The following MSC variants were observed in gnomAD, a reference collection of about 807,000 sequenced individuals.
The protein encoded by MSC is musculin, also known as activated B-cell factor 1, homolog of mouse musculin.
Under a neutral mutation model 14.4 loss-of-function variants are expected in MSC, and 16 were observed. That is an observed-to-expected ratio of 1.11 (90% CI 0.75 to 1.69). The LOEUF is 1.69. Among genes scored for constraint, MSC ranks in the 40% most tolerant of loss-of-function variants. MSC has a pLI of 0.00. For missense variants in MSC, 320 were observed against 288.1 expected (o/e 1.11, Z -0.80); for synonymous variants, 165 against 128.5 (o/e 1.28, Z -1.92).
rs1364134821 is a variant in MSC at position 71,843,101 on chromosome 8, C to T, written c.535-354G>A. On this transcript the variant is annotated intron_variant, in intron 1 of 1. Transcript: ENST00000325509. ...ACACACAGTCATCCACTCCAAGCTC[C>T]AAGTAGGAACTGGGCTTGGACAGGA... 1.2e-5 allele frequency: 4 copies of T among 343,366 alleles called. No homozygotes were observed. The Admixed American group carries it at 1.6e-4, about 14-fold the overall frequency. The allele number at this position is 343,366 out of a possible 1,614,324, so 21.3% of individuals were successfully genotyped here.
Position 71,843,680 on chromosome 8 carries a change from G to T in MSC, c.499C>A (p.Arg167Ser). 1 of 1,614,224 alleles carries T rather than the reference G, an allele frequency of 6.2e-7. No individual in the cohort carries two copies. Among genetic ancestry groups the T allele is most frequent in the East Asian group, 2.2e-5 (1 of 44,878 alleles). The change falls in exon 1 of 2, where the codon CGC becomes AGC. Residue 167 changes from arginine to serine, a missense_variant. By Grantham distance (110) the Arg-to-Ser change is moderately radical. Coordinates refer to ENST00000325509, the MANE Select transcript of MSC (RefSeq NM_005098.4). The part of the protein sequence containing the change: ...AHLRQLLQED[R>S]YENGYVHPVN... The stretch of plus-strand genomic sequence containing the variant: ...GGGTGCACGTAGCCGTTCTCATAGC[G>T]GTCCTCCTGCAACAGCTGCCGCAGG...
chr8:71,844,139 G>T lies in MSC; in HGVS notation c.40C>A (p.Leu14Ile). 1 of 1,531,258 alleles carries T rather than the reference G, an allele frequency of 6.5e-7. No individual in the cohort carries two copies. Among genetic ancestry groups the T allele is most frequent in the Non-Finnish European group, 8.8e-7 (1 of 1,140,280 alleles). 94.9% of individuals were successfully genotyped at this position (1,531,258 alleles called of 1,614,324 possible). ...GGGTACTCCCGCTGCAGCCCCCGAA[G>T]CTCCATCTCCTCCGGATCACTCACC... ...GSVSDPEEMELRGLQREYPVP... is the reference protein window; with the variant it reads ...GSVSDPEEMEIRGLQREYPVP... Residue 14 changes from leucine (L) to isoleucine (I), a missense_variant, in exon 1 of 2, where the codon CTT becomes ATT. Physicochemically the swap from Leu to Ile is conservative, Grantham distance 5. Transcript: ENST00000325509.
At position 71,841,854 on chromosome 8, in the gene MSC, C is replaced by G. The variant is rs1585712317; in HGVS notation, c.*807G>C. 6.5e-6 allele frequency: 1 copy of G among 152,876 alleles called. No individual in the cohort carries two copies. Among genetic ancestry groups the G allele is most frequent in the East Asian group, 1.9e-4 (1 of 5,196 alleles). 9.5% of individuals were successfully genotyped at this position (152,876 alleles called of 1,614,324 possible). ...CAGGAGCGGGGCGGAGAGGGAGGCCCGAAGAAGACCCCACACAGGTTGGCG... is the reference window on the plus strand; with the variant it reads ...CAGGAGCGGGGCGGAGAGGGAGGCCGGAAGAAGACCCCACACAGGTTGGCG... On this transcript the variant is annotated 3_prime_UTR_variant, in exon 2 of 2. Coordinates refer to ENST00000325509, the MANE Select transcript of MSC (RefSeq NM_005098.4).
intron 1 of MSC, 62 bp from the exon 2 acceptor site, chr8:71,842,809 C>T: frequency 7.0e-7 from 1 of 1,433,274 alleles, no homozygotes; most frequent in Non-Finnish European, 9.8e-7. Flanking sequence ...CGAAACAGCT[C>T]TCCTACGCGA....
In MSC at chr8:71,843,953, G is replaced by T; in HGVS notation, c.226C>A (p.Arg76Ser). ...SAEGCKRKRPRVAGGGGAGGS... is the reference protein window; with the variant it reads ...SAEGCKRKRPSVAGGGGAGGS... ...CCTGCGCCGCCGCCCCCAGCCACAC[G>T]GGGCCGCTTCCTCTTGCAGCCTTCC... Residue 76 changes from arginine (R) to serine (S), a missense_variant, in exon 1 of 2, where the codon CGT becomes AGT. By Grantham distance (110) the Arg-to-Ser change is moderately radical (BLOSUM62 -1). Coordinates refer to ENST00000325509, the MANE Select transcript of MSC (RefSeq NM_005098.4). The T allele has an allele frequency of 6.4e-7, 1 of 1,562,058 alleles. No homozygotes were observed. Among genetic ancestry groups the T allele is most frequent in the East Asian group, 2.4e-5 (1 of 41,658 alleles).
In MSC at chr8:71,842,041, G is replaced by A. The variant is rs1428693784; in HGVS notation, c.*620C>T. 1 of 155,002 alleles carries A rather than the reference G, an allele frequency of 6.5e-6. No individual in the cohort carries two copies. The highest frequency in any genetic ancestry group is 1.9e-4 in the East Asian group (1 of 5,310). 9.6% of individuals were successfully genotyped at this position (155,002 alleles called of 1,614,324 possible). On this transcript the variant is annotated 3_prime_UTR_variant, in exon 2 of 2. Coordinates refer to ENST00000325509, the MANE Select transcript of MSC (RefSeq NM_005098.4). ...TCTCCGGGTAAAACCCGCCTGCGGT[G>A]ATCTGGGAAGTGTGTCTCCACCTAG... is the stretch of plus-strand genomic sequence containing the variant.
chr8:71,842,997 G>T (rs1807416649), intron 1 of MSC: 1 of 429,914 alleles, frequency 2.3e-6, no homozygotes, highest in African/African-American at 2.1e-5. Context: ...AAACTCATCT[G>T]ACTTTGAGGT....
intron 1 of MSC, 42 bp downstream of exon 1, chr8:71,843,603 C>G: frequency 1.2e-6 from 2 of 1,613,892 alleles, no homozygotes; most frequent in Non-Finnish European, 1.7e-6. Flanking sequence ...CCCTGGGTAT[C>G]TCCTGGCTGC....
At position 71,844,189 on chromosome 8, in the gene MSC, C is replaced by A; in HGVS notation, c.-11G>T. 6.3e-7 allele frequency: 1 copy of A among 1,588,374 alleles called. No homozygotes were observed. The highest frequency in any genetic ancestry group is 8.6e-7 in the Non-Finnish European group (1 of 1,166,112). On this transcript the variant is annotated 5_prime_UTR_variant, in exon 1 of 2. Transcript: ENST00000325509. ...CGAGCCCGTGGACATCCCGTTGTCCCCCTTGCCCACACGCGTCCTCTTTCC... is the reference window on the plus strand; with the variant it reads ...CGAGCCCGTGGACATCCCGTTGTCCACCTTGCCCACACGCGTCCTCTTTCC...
chr8:71,842,590 C>T lies in MSC; in HGVS notation c.*71G>A. The stretch of plus-strand genomic sequence containing the variant: ...GAAACTTCTTCCCATCTCACGAGCT[C>T]TCCCTTCTCTCCGTGGCCCCCAAAC... On this transcript the variant is annotated 3_prime_UTR_variant, in exon 2 of 2. Transcript: ENST00000325509. 4 of 1,415,954 alleles carry T rather than the reference C, an allele frequency of 2.8e-6. No individual in the cohort carries two copies. In the South Asian group the frequency reaches 4.6e-5, roughly 16 times the overall value. The allele number at this position is 1,415,954 out of a possible 1,614,324, so 87.7% of individuals were successfully genotyped here. A position where few individuals can be genotyped will look rare whatever the true frequency, so the allele number is the denominator to read the frequency against.
At position 71,843,841 on chromosome 8, in the gene MSC, T is replaced by G. The variant is rs762209386; in HGVS notation, c.338A>C (p.Asn113Thr). Residue 113 changes from asparagine to threonine, a missense_variant, in exon 1 of 2, where the codon AAC (asparagine) becomes ACC (threonine). Asn to Thr is a moderately conservative substitution (Grantham distance 65). Coordinates refer to ENST00000325509, the MANE Select transcript of MSC (RefSeq NM_005098.4). Reference protein sequence around the residue: ...ECKQSQRNAANARERARMRVL... With the variant: ...ECKQSQRNAATARERARMRVL... ...GCGCATCCGGGCACGCTCACGGGCG[T>G]TGGCCGCGTTCCGCTGCGACTGCTT... 2 of 1,613,142 alleles carry G rather than the reference T, an allele frequency of 1.2e-6. No homozygotes were observed. Among genetic ancestry groups the G allele is most frequent in the Non-Finnish European group, 1.7e-6 (2 of 1,179,786 alleles).
Position 71,844,066 on chromosome 8 carries a change from T to C in MSC, c.113A>G (p.Tyr38Cys). The part of the protein sequence containing the change: ...RPPLRGVERS[Y>C]ASPSDNSSAE... ...CGACGAGTTGTCACTGGGCGAGGCG[T>C]AGCTGCGCTCTACGCCGCGGAGGGG... Residue 38 changes from tyrosine (Y) to cysteine (C), a missense_variant, in exon 1 of 2, where the codon TAC becomes TGC. Tyr to Cys is a radical substitution (Grantham distance 194). Transcript: ENST00000325509. 1 of 1,529,144 alleles carries C rather than the reference T, an allele frequency of 6.5e-7. No individual in the cohort carries two copies. The allele number at this position is 1,529,144 out of a possible 1,614,324, so 94.7% of individuals were successfully genotyped here.
intron 1 of MSC, 70 bp downstream of exon 1, chr8:71,843,575 G>A: frequency 6.2e-7 from 1 of 1,606,186 alleles, no homozygotes; most frequent in Non-Finnish European, 8.5e-7. Context: ...GGCTGACCCT[G>A]CCCGGCGCCC....
chr8:71,844,029 C>T lies in MSC; in HGVS notation c.150G>A (p.Glu50=), dbSNP rs1237743113. 12 of 1,579,696 alleles carry T rather than the reference C, an allele frequency of 7.6e-6. No homozygotes were observed. The African/African-American group carries it at 1.4e-4, about 18-fold the overall frequency. Residue 50 remains glutamate (E), a synonymous_variant, in exon 1 of 2, where the codon GAG becomes GAA. Transcript: ENST00000325509. The part of the protein sequence containing the change: ...SPSDNSSAEE[E]DPDGEEERCA... The stretch of plus-strand genomic sequence containing the variant: ...AGCGCTCCTCCTCGCCGTCGGGGTC[C>T]TCCTCCTCTGCCGACGAGTTGTCAC...
In MSC at chr8:71,842,799, C is replaced by G. The variant is rs529650906; in HGVS notation, c.535-52G>C. 1.6e-5 allele frequency: 24 copies of G among 1,526,722 alleles called. No homozygotes were observed. In the South Asian group the frequency reaches 2.7e-4, roughly 17 times the overall value. 94.6% of individuals were successfully genotyped at this position (1,526,722 alleles called of 1,614,324 possible). A position where few individuals can be genotyped will look rare whatever the true frequency, so the allele number is the denominator to read the frequency against. ...TTAGAGAGAAACGATTGTCTCAAACCGAAACAGCTCTCCTACGCGAACCCC... is the reference window on the plus strand; with the variant it reads ...TTAGAGAGAAACGATTGTCTCAAACGGAAACAGCTCTCCTACGCGAACCCC... On this transcript the variant is annotated intron_variant, in intron 1 of 1. Coordinates refer to ENST00000325509, the MANE Select transcript of MSC (RefSeq NM_005098.4).
In MSC at chr8:71,842,620, G is replaced by T. The variant is rs560737829; in HGVS notation, c.*41C>A. ...TTCTCTCCGTGGCCCCCAAACACTC[G>T]CATTTAACGAATAATCCCATCAAGT... On this transcript the variant is annotated 3_prime_UTR_variant, in exon 2 of 2. Coordinates refer to ENST00000325509, the MANE Select transcript of MSC (RefSeq NM_005098.4). The T allele has an allele frequency of 1.9e-6, 3 of 1,586,240 alleles. No homozygotes were observed. The highest frequency in any genetic ancestry group is 2.6e-6 in the Non-Finnish European group (3 of 1,154,996).
chr8:71,843,938 C>T lies in MSC; in HGVS notation c.241G>A (p.Gly81Ser), dbSNP rs747587360. The stretch of plus-strand genomic sequence containing the variant: ...CCGCCCGCGCTACCACCTGCGCCGC[C>T]GCCCCCAGCCACACGGGGCCGCTTC... ...KRKRPRVAGG[G>S]GAGGSAGGGG... Residue 81 changes from glycine to serine, a missense_variant, in exon 1 of 2, where the codon GGC becomes AGC. Physicochemically the swap from Gly to Ser is moderately conservative, Grantham distance 56. Transcript: ENST00000325509. 1.9e-6 allele frequency: 3 copies of T among 1,563,328 alleles called. No homozygotes were observed. The highest frequency in any genetic ancestry group is 1.9e-5 in the Admixed American group (1 of 53,088).
chr8:71,844,351 G>A lies in MSC; in HGVS notation c.-173C>T. 2 of 913,502 alleles carry A rather than the reference G, an allele frequency of 2.2e-6. No individual in the cohort carries two copies. The highest frequency in any genetic ancestry group is 5.2e-5 in the East Asian group (2 of 38,102). 56.6% of individuals were successfully genotyped at this position (913,502 alleles called of 1,614,324 possible). A position where few individuals can be genotyped will look rare whatever the true frequency, so the allele number is the denominator to read the frequency against. Reference sequence around the variant, plus strand: ...AGCGAGGTGGGTGGCGAGAGCGTGAGCGCCCCTCTGCTGACCCCGGGGAGC... The same window carrying A: ...AGCGAGGTGGGTGGCGAGAGCGTGAACGCCCCTCTGCTGACCCCGGGGAGC... On this transcript the variant is annotated 5_prime_UTR_variant, in exon 1 of 2. Coordinates refer to ENST00000325509, the MANE Select transcript of MSC (RefSeq NM_005098.4).
chr8:71,842,975 G>T (rs1585713051), intron 1 of MSC: 1 of 452,170 alleles, frequency 2.2e-6, no homozygotes, highest in East Asian at 4.6e-5. Flanking sequence ...TTGCCCGCAG[G>T]ATAATTTGGT....
Sources: gnomAD v4.1 joint callset for allele counts on GRCh38, gnomAD v4.1.1 for gene constraint, MANE v1.5 for transcripts, NCBI Gene and HGNC (gene_info 2026-07-23, HGNC 2026-07-21) for gene names.